The following TMTC2 variants were observed in gnomAD, a reference collection of about 807,000 sequenced individuals.
The protein encoded by TMTC2 is transmembrane O-mannosyltransferase targeting cadherins 2, also known as protein O-mannosyl-transferase TMTC2.
A neutral mutation model predicts 82.4 loss-of-function variants in TMTC2; 43 were observed. That is an observed-to-expected ratio of 0.52 (90% CI 0.41 to 0.67). The LOEUF (loss-of-function observed/expected upper bound fraction) is 0.67. Among genes scored for constraint, TMTC2 ranks in the 30% least tolerant of loss-of-function variants. The probability of loss-of-function intolerance (pLI) is 0.00; values close to 1 mark genes in which losing one functional copy is unlikely to be tolerated. For synonymous variants in TMTC2, 408 were observed against 381.9 expected, an observed-to-expected ratio of 1.07 and a Z score of -0.80; for missense variants, 919 against 1,012.4, an observed-to-expected ratio of 0.91 and a Z score of 1.25.
rs577006781 is a variant in TMTC2, at chr12:82,728,218, G to A, written c.83+40549G>A. Among the ~76,000 whole-genome samples the A allele has an allele frequency of 5.3e-5, 8 of 151,968 alleles. No individual in the cohort carries two copies. In the South Asian group the frequency reaches 1.7e-3, roughly 32 times the overall value. ...CTCTGCTGGCCCTCTGCTTGTGAGA[G>A]CTTAGGTAATAGAGATGAGTCCTAT... is the stretch of plus-strand genomic sequence containing the variant. On this transcript the variant is annotated intron_variant, in intron 1 of 11. Transcript: ENST00000321196.
intron 8 of TMTC2, among the ~76,000 whole-genome samples, chr12:82,989,870 C>T (rs981839782): frequency 4.6e-5 from 7 of 151,690 alleles, no homozygotes; most frequent in South Asian, 2.1e-4. Context: ...TTATAGTTTC[C>T]GACTTGCTGA....
intron 11 of TMTC2, among the ~76,000 whole-genome samples, chr12:83,075,860 A>G (rs1165315766): frequency 6.6e-6 from 1 of 152,208 alleles, no homozygotes; most frequent in African/African-American, 2.4e-5. Flanking sequence ...CTGACAGGTT[A>G]CAAGTCTAGC....
intron 2 of TMTC2, among the ~76,000 whole-genome samples, chr12:82,878,139 T>C (rs919962074): frequency 7.2e-5 from 11 of 152,344 alleles, no homozygotes; most frequent in Admixed American, 6.5e-4. Flanking sequence ...CATTCACCCA[T>C]ATGACATGAT....
chr12:82,802,685 A>T (rs1879069459), intron 1 of TMTC2, among the ~76,000 whole-genome samples: 1 of 152,206 alleles, frequency 6.6e-6, no homozygotes, highest in Non-Finnish European at 1.5e-5. Context: ...GGCATGAGAT[A>T]TAGAAAAGTG....
At chr12:83,019,539 G>A (rs1389045705) in intron 8 of TMTC2, among the ~76,000 whole-genome samples, 1 of 152,054 alleles carries the variant, frequency 6.6e-6, no homozygotes, top group African/African-American at 2.4e-5. Context: ...TGACATCTCA[G>A]CTATCTCAAA....
At chr12:82,740,488 G>T (rs115199994) in intron 1 of TMTC2, among the ~76,000 whole-genome samples, 1 of 152,166 alleles carries the variant, frequency 6.6e-6, no homozygotes, top group Non-Finnish European at 1.5e-5. Context: ...TGAAGGATCC[G>T]CAGGGAAGGT....
At chr12:82,763,831 T>C (rs2470367) in intron 1 of TMTC2, among the ~76,000 whole-genome samples, 149,133 of 152,302 alleles carry the variant, frequency 0.98, 73,092 homozygotes, top group East Asian at 1. Flanking sequence ...ACAAATACTC[T>C]TGTCATGGAA....
intron 1 of TMTC2, among the ~76,000 whole-genome samples, chr12:82,825,586 C>T (rs1869371353): frequency 1.3e-5 from 2 of 152,040 alleles, no homozygotes; most frequent in South Asian, 4.1e-4. Flanking sequence ...GGCAGTACGT[C>T]TATTATTTCC....
intron 7 of TMTC2, among the ~76,000 whole-genome samples, chr12:82,971,378 A>G (rs1464678142): frequency 3.9e-5 from 6 of 152,140 alleles, no homozygotes; most frequent in Admixed American, 1.3e-4. Flanking sequence ...ACAGCTGCAA[A>G]GTACATTGAA....
intron 7 of TMTC2, among the ~76,000 whole-genome samples, chr12:82,979,528 T>A (rs1878828990): frequency 6.6e-6 from 1 of 151,794 alleles, no homozygotes; most frequent in African/African-American, 2.4e-5. Flanking sequence ...TTATTTCTTA[T>A]ACTGTGCATG....
chr12:82,864,941 G>A (rs981888578), intron 2 of TMTC2, among the ~76,000 whole-genome samples: 5 of 151,430 alleles, frequency 3.3e-5, no homozygotes, highest in African/African-American at 4.9e-5. Flanking sequence ...TCAGCTGGGT[G>A]CAGTGGCTCA....
Position 82,930,428 on chromosome 12 carries a change from C to A in TMTC2, c.1484-3C>A. On this transcript the variant is annotated splice_region_variant and splice_polypyrimidine_tract_variant and intron_variant, in intron 3 of 11. Coordinates refer to ENST00000321196, the MANE Select transcript of TMTC2 (RefSeq NM_152588.3). ...TCTGAAAATTTCTTTTTCTTCTTGG[C>A]AGCATGGGGTAACCTTGGAAATGTT... 2 of 1,563,194 alleles carry A rather than the reference C, an allele frequency of 1.3e-6. No individual in the cohort carries two copies. Among genetic ancestry groups the A allele is most frequent in the Non-Finnish European group, 1.7e-6 (2 of 1,146,224 alleles).
intron 1 of TMTC2, among the ~76,000 whole-genome samples, chr12:82,802,058 G>A (rs1879033953): frequency 6.6e-6 from 1 of 152,100 alleles, no homozygotes; most frequent in Non-Finnish European, 1.5e-5. Context: ...GCCCTTGGGT[G>A]GTCGATGGAA....
chr12:83,010,227 T>A (rs929458085), intron 8 of TMTC2, among the ~76,000 whole-genome samples: 16 of 152,178 alleles, frequency 1.1e-4, no homozygotes, highest in Non-Finnish European at 1.6e-4. Context: ...GTCCCATATA[T>A]CTGATATTTA....
Position 82,929,113 on chromosome 12 carries a change from C to T in TMTC2, c.1484-1318C>T, listed in dbSNP as rs538624631. 8.5e-5 allele frequency among the ~76,000 whole-genome samples: 13 copies of T among 152,078 alleles called. No homozygotes were observed. In the East Asian group the frequency reaches 1.9e-3, roughly 23 times the overall value. On this transcript the variant is annotated intron_variant, in intron 3 of 11. Coordinates refer to ENST00000321196, the MANE Select transcript of TMTC2 (RefSeq NM_152588.3). ...TTTTTGAGAGAGGGCCTCACTCTGT[C>T]GCCCAGGCTTGAGTGCGGTGGCGTG...
chr12:82,798,962 T>G (rs1301057900), intron 1 of TMTC2, among the ~76,000 whole-genome samples: 2 of 152,098 alleles, frequency 1.3e-5, no homozygotes, highest in African/African-American at 4.8e-5. Context: ...TCTAGCTGAT[T>G]CACTCTAAAA....
chr12:83,113,757 A>T (rs75634294), intron 11 of TMTC2, among the ~76,000 whole-genome samples: 3,896 of 152,294 alleles, frequency 0.026, 66 homozygotes, highest in Middle Eastern at 0.085. Flanking sequence ...GTAAAAGTGC[A>T]AATAGAATGC....
At chr12:82,951,047 A>C (rs1877319063) in intron 4 of TMTC2, among the ~76,000 whole-genome samples, 1 of 152,238 alleles carries the variant, frequency 6.6e-6, no homozygotes, top group Non-Finnish European at 1.5e-5. Context: ...TGTCAAAAGA[A>C]GGATACCAGA....
chr12:82,974,731 C>T (rs1201098871), intron 7 of TMTC2, among the ~76,000 whole-genome samples: 3 of 152,292 alleles, frequency 2.0e-5, no homozygotes, highest in Non-Finnish European at 4.4e-5. Context: ...AGAAAATCAT[C>T]TATTTCATGC....
Sources: allele counts gnomAD v4.1 joint callset (sites outside exome capture counted in the v4.1 genomes callset), GRCh38; gene constraint gnomAD v4.1.1; transcripts MANE v1.5; gene names NCBI Gene and HGNC (gene_info 2026-07-23, HGNC 2026-07-21).